NAALADL2: variants seen among roughly 807,000 people sequenced by gnomAD.
The protein encoded by NAALADL2 is inactive N-acetylated-alpha-linked acidic dipeptidase-like protein 2.
A neutral mutation model predicts 87.2 loss-of-function variants in NAALADL2; 76 were observed. The ratio of observed to expected loss-of-function variants is 0.87; its 90% CI spans 0.72 to 1.05. NAALADL2 has a LOEUF of 1.05. NAALADL2 is among the 50% of genes least tolerant of loss of function. The pLI is 0.00. For synonymous variants in NAALADL2, 354 were observed against 331.0 expected, an observed-to-expected ratio of 1.07 and a Z score of -0.75; for missense variants, 1,089 against 945.8, an observed-to-expected ratio of 1.15 and a Z score of -1.99.
chr3:175,020,167 A>G (rs1751389096), intron 1 of NAALADL2, among the ~76,000 whole-genome samples: 1 of 151,860 alleles, frequency 6.6e-6, no homozygotes, highest in Admixed American at 6.6e-5. Context: ...CACTAATCCT[A>G]CCAGATTCCC....
intron 1 of NAALADL2, among the ~76,000 whole-genome samples, chr3:175,052,079 G>A (rs1755468423): frequency 6.6e-6 from 1 of 152,204 alleles, no homozygotes; most frequent in South Asian, 2.1e-4. Flanking sequence ...CCAGTGATAA[G>A]CATTGTTTCT....
chr3:175,715,677 A>G (rs1304242052), intron 11 of NAALADL2, among the ~76,000 whole-genome samples: 1 of 152,036 alleles, frequency 6.6e-6, no homozygotes, highest in South Asian at 2.1e-4. Context: ...GGTGTTCGAG[A>G]CCAGCCTGGT....
chr3:174,698,828 C>T (rs1729270690), intron 2 of NAALADL2, among the ~76,000 whole-genome samples: 1 of 96,446 alleles, frequency 1.0e-5, no homozygotes, highest in Non-Finnish European at 1.7e-5. Context: ...CCCGCCACTG[C>T]ACTCCAGCCT....
At chr3:174,651,042 G>T (rs1237245454) in intron 2 of NAALADL2, among the ~76,000 whole-genome samples, 1 of 151,884 alleles carries the variant, frequency 6.6e-6, no homozygotes, top group Non-Finnish European at 1.5e-5. Flanking sequence ...GGAAAAAAAT[G>T]ATACCCTTCT....
intron 11 of NAALADL2, among the ~76,000 whole-genome samples, chr3:175,723,987 G>A (rs111480424): frequency 3.4e-4 from 52 of 152,098 alleles, no homozygotes; most frequent in African/African-American, 1.0e-3. Context: ...GAGATGTGAC[G>A]TTTCATATGT....
At chr3:175,534,037 T>TAAATAATTTATTTATTTATA (rs1356333947) in intron 9 of NAALADL2, among the ~76,000 whole-genome samples, 2 of 149,706 alleles carry the variant, frequency 1.3e-5, no homozygotes, top group Admixed American at 1.3e-4. Flanking sequence ...ATTTATTTAT[T>TAAATAATTTATTTATTTATA]ATAAATAAAT....
At chr3:175,345,397 C>T (rs1260218118) in intron 5 of NAALADL2, among the ~76,000 whole-genome samples, 1 of 151,988 alleles carries the variant, frequency 6.6e-6, no homozygotes. Flanking sequence ...GATGAATCTT[C>T]TTTTTGACAT....
At chr3:175,508,107 G>A (rs1191947140) in intron 9 of NAALADL2, among the ~76,000 whole-genome samples, 1 of 152,108 alleles carries the variant, frequency 6.6e-6, no homozygotes, top group Non-Finnish European at 1.5e-5. Context: ...TGGGGCAGAG[G>A]TGCCATACAT....
chr3:175,527,560 G>A (rs892920223), intron 9 of NAALADL2, among the ~76,000 whole-genome samples: 1 of 152,068 alleles, frequency 6.6e-6, no homozygotes, highest in Non-Finnish European at 1.5e-5. Flanking sequence ...ACTCAAATGA[G>A]TGAGTTAGTC....
At chr3:174,559,508 A>T (rs534758455) in intron 2 of NAALADL2, among the ~76,000 whole-genome samples, 11 of 152,150 alleles carry the variant, frequency 7.2e-5, no homozygotes, top group Non-Finnish European at 1.3e-4. Flanking sequence ...TGCAAGATGG[A>T]GTTGCTTTAG....
chr3:174,960,264 T>A (rs1197042457), intron 1 of NAALADL2, among the ~76,000 whole-genome samples: 1 of 152,120 alleles, frequency 6.6e-6, no homozygotes. Flanking sequence ...GTTGAAGTTC[T>A]TTTTAGCTCT....
chr3:174,768,039 G>A (rs1319942555), intron 3 of NAALADL2, among the ~76,000 whole-genome samples: 2 of 152,152 alleles, frequency 1.3e-5, no homozygotes, highest in Non-Finnish European at 2.9e-5. Flanking sequence ...TTTGATGTAG[G>A]TTAAATAAAC....
At chr3:174,638,806 T>C (rs1432109546) in intron 2 of NAALADL2, among the ~76,000 whole-genome samples, 1 of 152,222 alleles carries the variant, frequency 6.6e-6, no homozygotes, top group African/African-American at 2.4e-5. Context: ...AATGTATTCA[T>C]TCTTGAGAAA....
intron 1 of NAALADL2, among the ~76,000 whole-genome samples, chr3:174,952,868 C>A (rs942325887): frequency 6.6e-6 from 1 of 152,032 alleles, no homozygotes; most frequent in Non-Finnish European, 1.5e-5. Flanking sequence ...ACTTGTAGGT[C>A]AAATGAATAT....
intron 3 of NAALADL2, among the ~76,000 whole-genome samples, chr3:175,243,146 C>T (rs1411404583): frequency 6.9e-6 from 1 of 144,144 alleles, no homozygotes; most frequent in Non-Finnish European, 1.5e-5. Flanking sequence ...TTCCTATGAA[C>T]CACCTTTTGC....
chr3:174,910,239 C>T (rs1269053059), intron 1 of NAALADL2, among the ~76,000 whole-genome samples: 1 of 151,934 alleles, frequency 6.6e-6, no homozygotes, highest in Non-Finnish European at 1.5e-5. Flanking sequence ...AAACATTACC[C>T]ATAAATTAAC....
chr3:175,797,606 G>A (rs1293521641), intron 13 of NAALADL2, among the ~76,000 whole-genome samples: 1 of 152,046 alleles, frequency 6.6e-6, no homozygotes, highest in South Asian at 2.1e-4. Flanking sequence ...CCAGACATGT[G>A]CCTTTTGACT....
At chr3:174,620,660 A>G (rs942047315) in intron 2 of NAALADL2, among the ~76,000 whole-genome samples, 1 of 152,078 alleles carries the variant, frequency 6.6e-6, no homozygotes, top group African/African-American at 2.4e-5. Context: ...GAACCCTTAA[A>G]CAAAACTGAA....
intron 3 of NAALADL2, among the ~76,000 whole-genome samples, chr3:175,240,989 T>G (rs1193350793): frequency 6.6e-5 from 10 of 152,070 alleles, no homozygotes; most frequent in Admixed American, 6.6e-4. Flanking sequence ...ATGGTGACAG[T>G]GGCTTTGGAT....
Sources: gnomAD v4.1 joint callset for allele counts (sites outside exome capture counted in the v4.1 genomes callset) on GRCh38, gnomAD v4.1.1 for gene constraint, MANE v1.5 for transcripts, NCBI Gene and HGNC (gene_info 2026-07-23, HGNC 2026-07-21) for gene names.